Variants in HLCS observed in about 807,000 individuals in gnomAD.
HLCS encodes biotin--protein ligase.
In HLCS, 53 loss-of-function variants were observed where a neutral mutation model predicts 75.0. The observed-to-expected ratio is 0.71, with a 90% CI of 0.57 to 0.89. The LOEUF (loss-of-function observed/expected upper bound fraction) is 0.89. Ranked by LOEUF, HLCS falls within the 40% of genes least tolerant of loss-of-function variation. The pLI is 0.00. For missense variants in HLCS, 966 were observed against 1,074.0 expected (o/e 0.90, Z 1.41); for synonymous variants, 431 against 428.6 (o/e 1.01, Z -0.07).
chr21:36,797,972 T>C (rs1367148526), intron 6 of HLCS, among the ~76,000 whole-genome samples: 1 of 151,770 alleles, frequency 6.6e-6, no homozygotes, highest in Non-Finnish European at 1.5e-5. Context: ...AAATATTGGG[T>C]TGTGGGGTTA....
In HLCS at chr21:36,898,271, C is replaced by T. The variant is rs560950308; in HGVS notation, c.1621-1140G>A. Among the ~76,000 whole-genome samples, 539 of 151,992 alleles carry T rather than the reference C, an allele frequency of 3.5e-3. 2 individuals carry two copies. The highest frequency in any genetic ancestry group is 8.4e-3 in the Admixed American group (128 of 15,280). On this transcript the variant is annotated intron_variant, in intron 5 of 10. Transcript: ENST00000674895. ...GACCAGCCTGACCAACATGGTGAAA[C>T]TCCGTCTCTACTAAAAATACAAAAA...
chr21:36,808,168 A>G (rs1446139999), intron 6 of HLCS, among the ~76,000 whole-genome samples: 3 of 152,020 alleles, frequency 2.0e-5, no homozygotes, highest in South Asian at 2.1e-4. Flanking sequence ...ATATCATTGT[A>G]TTTTAAAAAA....
Position 36,767,257 on chromosome 21 carries a change from C to A in HLCS, c.1921G>T (p.Gly641Cys), listed in dbSNP as rs1376220818. The A allele has an allele frequency of 1.9e-6, 3 of 1,614,176 alleles. No homozygotes were observed. The highest frequency in any genetic ancestry group is 8.5e-7 in the Non-Finnish European group (1 of 1,180,046). Residue 641 changes from glycine to cysteine, a missense_variant, in exon 7 of 11, where the codon GGC (glycine) becomes TGC (cysteine). Gly to Cys is a radical substitution (Grantham distance 159). Transcript: ENST00000674895. Reference sequence around the variant, plus strand: ...TGCCGGGCCGCGATCACTATTAAGCCCATTTCCTGCGGTGTCTGAAACATC... The same window carrying A: ...TGCCGGGCCGCGATCACTATTAAGCACATTTCCTGCGGTGTCTGAAACATC... Reference protein sequence around the residue: ...GLMFQTPQEMGLIVIAARQTE... With the variant: ...GLMFQTPQEMCLIVIAARQTE...
intron 5 of HLCS, among the ~76,000 whole-genome samples, chr21:36,924,150 C>T (rs1484084566): frequency 6.6e-6 from 1 of 152,108 alleles, no homozygotes; most frequent in African/African-American, 2.4e-5. Context: ...TCTATACATT[C>T]GAGACTCAGA....
chr21:36,918,195 C>T lies in HLCS; in HGVS notation c.1620+12056G>A, dbSNP rs116748899. 5.5e-3 allele frequency among the ~76,000 whole-genome samples: 831 copies of T among 152,212 alleles called. 6 individuals carry two copies. The highest frequency in any genetic ancestry group is 0.017 in the African/African-American group (726 of 41,532). On this transcript the variant is annotated intron_variant, in intron 5 of 10. Transcript: ENST00000674895. Reference sequence around the variant, plus strand: ...ACACTAACTCCTATGTACTGAGTGCCGGAAATTCTTCCTGCAAAGTAAGGA... The same window carrying T: ...ACACTAACTCCTATGTACTGAGTGCTGGAAATTCTTCCTGCAAAGTAAGGA...
At chr21:36,955,153 A>C (rs1227197365) in intron 2 of HLCS, among the ~76,000 whole-genome samples, 2 of 152,210 alleles carry the variant, frequency 1.3e-5, no homozygotes, top group Admixed American at 6.5e-5. Flanking sequence ...ACAGGAGTTC[A>C]CTGCTCCATG....
At chr21:36,868,274 G>GGAAGGAAGGAAAGAAAGAAAGAAA (rs886275509) in intron 6 of HLCS, among the ~76,000 whole-genome samples, 1 of 135,462 alleles carries the variant, frequency 7.4e-6, no homozygotes, top group East Asian at 2.1e-4. Context: ...AAGGAAGGAA[G>GGAAGGAAGGAAAGAAAGAAAGAAA]GAAAGAAAGA....
intron 2 of HLCS, among the ~76,000 whole-genome samples, chr21:36,954,252 G>T (rs991971723): frequency 2.0e-5 from 3 of 151,854 alleles, no homozygotes; most frequent in South Asian, 4.2e-4. Context: ...GTTGCAGTGA[G>T]CTATCACACC....
At chr21:36,850,712 G>A (rs1214916469) in intron 6 of HLCS, among the ~76,000 whole-genome samples, 5 of 152,220 alleles carry the variant, frequency 3.3e-5, no homozygotes, top group Non-Finnish European at 7.3e-5. Context: ...TCTGGGGTCG[G>A]GGGACAAGTC....
chr21:36,947,737 A>G, intron 2 of HLCS: 23 of 985,334 alleles, frequency 2.3e-5, no homozygotes, highest in Non-Finnish European at 2.7e-5. Flanking sequence ...TCCAAGAAGC[A>G]GTCCGGGAGT....
At chr21:36,871,502 C>T (rs1301611420) in intron 6 of HLCS, among the ~76,000 whole-genome samples, 2 of 152,026 alleles carry the variant, frequency 1.3e-5, no homozygotes, top group Admixed American at 6.6e-5. Flanking sequence ...ATCAGGCTAC[C>T]ATGACACATC....
At chr21:36,806,416 T>A (rs2145940124) in intron 6 of HLCS, 1 of 151,996 alleles carries the variant, frequency 6.6e-6, no homozygotes, top group East Asian at 1.9e-4. Context: ...GGACTCTAGA[T>A]CACAATGAAG....
intron 6 of HLCS, among the ~76,000 whole-genome samples, chr21:36,776,492 G>A (rs2060362281): frequency 6.6e-6 from 1 of 151,736 alleles, no homozygotes; most frequent in African/African-American, 2.4e-5. Flanking sequence ...TAAGCTCACT[G>A]CAACCTCCGC....
At chr21:36,856,326 G>C (rs2063192109) in intron 6 of HLCS, among the ~76,000 whole-genome samples, 1 of 152,174 alleles carries the variant, frequency 6.6e-6, no homozygotes, top group African/African-American at 2.4e-5. Context: ...AACTGGAGGG[G>C]AAAAAGGTAG....
At chr21:36,847,161 C>T (rs1274847121) in intron 6 of HLCS, among the ~76,000 whole-genome samples, 1 of 152,156 alleles carries the variant, frequency 6.6e-6, no homozygotes, top group Non-Finnish European at 1.5e-5. Flanking sequence ...TATTATAAAG[C>T]TTCAGACAGA....
intron 6 of HLCS, among the ~76,000 whole-genome samples, chr21:36,779,783 T>C (rs188012492): frequency 8.3e-4 from 126 of 152,234 alleles, no homozygotes; most frequent in Non-Finnish European, 1.5e-3. Flanking sequence ...ACTGTACTTC[T>C]ATATTACATT....
chr21:36,980,107 G>A (rs958450474), intron 1 of HLCS, among the ~76,000 whole-genome samples: 19 of 144,396 alleles, frequency 1.3e-4, no homozygotes, highest in Non-Finnish European at 2.7e-4. Context: ...AGGATTGCTT[G>A]AGCCCAGGAG....
chr21:36,983,560 G>A lies in HLCS; in HGVS notation c.-393+6598C>T, dbSNP rs533430523. Among the ~76,000 whole-genome samples, 28 of 151,716 alleles carry A rather than the reference G, an allele frequency of 1.8e-4. No homozygotes were observed. In the East Asian group the frequency reaches 5.3e-3, roughly 29 times the overall value. ...CCTTATAAAAATGATTTTTTTGGCC[G>A]GGCGCAGTGGCTCACGCCTGTAATC... On this transcript the variant is annotated intron_variant, in intron 1 of 11. Transcript: ENST00000336648.
At chr21:36,932,990 C>T (rs564393457) in intron 4 of HLCS, among the ~76,000 whole-genome samples, 8 of 152,230 alleles carry the variant, frequency 5.3e-5, no homozygotes, top group African/African-American at 9.6e-5. Context: ...TGGTGGCGCA[C>T]GCCTGTAATC....
Sources: gnomAD v4.1 joint callset for allele counts (sites outside exome capture counted in the v4.1 genomes callset) on GRCh38, gnomAD v4.1.1 for gene constraint, MANE v1.5 for transcripts, NCBI Gene and HGNC (gene_info 2026-07-23, HGNC 2026-07-21) for gene names.